Variants in GFI1B observed in about 807,000 individuals in gnomAD.
GFI1B encodes the protein growth factor independent 1B transcriptional repressor.
In GFI1B, 20 loss-of-function variants were observed where a neutral mutation model predicts 35.3. The ratio of observed to expected loss-of-function variants is 0.57; its 90% CI spans 0.40 to 0.82. The LOEUF (loss-of-function observed/expected upper bound fraction) is 0.82. GFI1B is among the 40% of genes least tolerant of loss of function. The pLI, the probability that GFI1B is intolerant of heterozygous loss-of-function variation, is 0.00. For missense variants in GFI1B, 430 were observed against 446.3 expected (o/e 0.96, Z 0.33); for synonymous variants, 178 against 177.6 (o/e 1.00, Z -0.02).
At chr9:132,948,051 G>T (rs56012501) in intron 1 of GFI1B, among the ~76,000 whole-genome samples, 5,253 of 152,190 alleles carry the variant, frequency 0.035, 311 homozygotes, top group African/African-American at 0.12. Flanking sequence ...GTTACGGTTC[G>T]TCCACAAGGA....
At chr9:132,955,819 T>G (rs1476556128) in intron 1 of GFI1B, among the ~76,000 whole-genome samples, 1 of 151,388 alleles carries the variant, frequency 6.6e-6, no homozygotes, top group Non-Finnish European at 1.5e-5. Context: ...TGTGTGTGTG[T>G]GTGTGTGTGT....
intron 1 of GFI1B, among the ~76,000 whole-genome samples, chr9:132,970,818 C>G (rs1848522679): frequency 6.6e-6 from 1 of 152,174 alleles, no homozygotes; most frequent in African/African-American, 2.4e-5. Context: ...TTCTGTGAGT[C>G]TCTAGGGAGA....
chr9:132,988,127 T>G, intron 3 of GFI1B, 70 bp from the exon 4 acceptor site: 333 of 1,440,292 alleles, frequency 2.3e-4, no homozygotes, highest in Non-Finnish European at 3.0e-4. Flanking sequence ...ATTGCAGGCA[T>G]GAGCCACGCC....
chr9:132,979,651 C>T (rs775041015), intron 1 of GFI1B, among the ~76,000 whole-genome samples: 2 of 152,132 alleles, frequency 1.3e-5, no homozygotes, highest in Non-Finnish European at 2.9e-5. Context: ...ACAATAGGAC[C>T]GACCATGGAG....
At chr9:132,969,055 G>A (rs905461219) in intron 1 of GFI1B, among the ~76,000 whole-genome samples, 3 of 151,742 alleles carry the variant, frequency 2.0e-5, no homozygotes, top group South Asian at 4.2e-4. Context: ...TTGAGACAGA[G>A]TCTCACTCTG....
chr9:132,968,864 C>T (rs780376093), intron 1 of GFI1B, among the ~76,000 whole-genome samples: 1 of 152,056 alleles, frequency 6.6e-6, no homozygotes, highest in East Asian at 1.9e-4. Context: ...TCAGTGGCAT[C>T]GGCTTAAGTA....
At chr9:132,978,534 A>T (rs1369708036), upstream of GFI1B, 1 of 152,180 alleles carries the variant, frequency 6.6e-6, no homozygotes, top group African/African-American at 2.4e-5. Flanking sequence ...CCAAGTGTCG[A>T]GGGTTAGAAA....
chr9:132,977,777 T>C (rs901603268), upstream of GFI1B, among the ~76,000 whole-genome samples: 22 of 152,088 alleles, frequency 1.4e-4, 1 homozygote, highest in African/African-American at 5.3e-4. Flanking sequence ...CCAGCATCAA[T>C]GGGACACCCC....
chr9:132,959,523 C>T (rs530769694), intron 1 of GFI1B, among the ~76,000 whole-genome samples: 21 of 152,336 alleles, frequency 1.4e-4, no homozygotes, highest in African/African-American at 4.6e-4. Flanking sequence ...GCAGAGTGCC[C>T]ACGCAGTGTG....
intron 1 of GFI1B, among the ~76,000 whole-genome samples, chr9:132,972,250 C>T (rs1848543147): frequency 6.6e-6 from 1 of 151,552 alleles, no homozygotes; most frequent in African/African-American, 2.4e-5. Context: ...AGTGAAACCC[C>T]GTCTCTACTA....
intron 1 of GFI1B, among the ~76,000 whole-genome samples, chr9:132,954,978 A>G (rs1229715202): frequency 2.0e-5 from 3 of 152,150 alleles, no homozygotes; most frequent in African/African-American, 4.8e-5. Flanking sequence ...TGGCCTCCCA[A>G]ACTGCTGGGA....
chr9:132,987,495 G>T, intron 3 of GFI1B, 76 bp downstream of exon 3: 3 of 1,541,332 alleles, frequency 1.9e-6, no homozygotes, highest in Non-Finnish European at 1.8e-6. Context: ...TTGCAGCAGG[G>T]CCCCTTGGGG....
At chr9:132,951,258 G>A (rs1164133822) in intron 1 of GFI1B, 1 of 151,648 alleles carries the variant, frequency 6.6e-6, no homozygotes, top group Non-Finnish European at 1.5e-5. Flanking sequence ...TCTGCTAATT[G>A]TTGAAGGCCC....
rs1849274025 is a variant in GFI1B, at chr9:132,990,942, C to T, written c.885C>T (p.Ser295=). Residue 295 remains serine, a synonymous_variant, in exon 7 of 7, where the codon AGC becomes AGT. Coordinates refer to ENST00000372122, the MANE Select transcript of GFI1B (RefSeq NM_001377304.1). ...AGAGCTCCAACCTCATCACCCACAG[C>T]CGCAAGCACACAGGCTTCAAGCCCT... is the stretch of plus-strand genomic sequence containing the variant. ...FSQSSNLITH[S]RKHTGFKPFS... is the part of the protein sequence containing the mutation. 1.2e-6 allele frequency: 2 copies of T among 1,614,100 alleles called. No individual in the cohort carries two copies. The highest frequency in any genetic ancestry group is 1.7e-5 in the Admixed American group (1 of 60,014).
At chr9:132,955,736 G>T (rs1848271852) in intron 1 of GFI1B, among the ~76,000 whole-genome samples, 1 of 151,862 alleles carries the variant, frequency 6.6e-6, no homozygotes, top group Non-Finnish European at 1.5e-5. Context: ...TGATTGATTT[G>T]AAATCATCCT....
intron 1 of GFI1B, among the ~76,000 whole-genome samples, chr9:132,954,574 C>CA (rs111946842): frequency 0.15 from 16,329 of 107,422 alleles, 1,017 homozygotes; most frequent in Non-Finnish European, 0.18. Context: ...GACTCTGTCT[C>CA]AAAAAAAAAA....
chr9:132,986,793 G>T lies in GFI1B; in HGVS notation c.100+15G>T. 1 of 1,557,386 alleles carries T rather than the reference G, an allele frequency of 6.4e-7. No individual in the cohort carries two copies. Among genetic ancestry groups the T allele is most frequent in the Non-Finnish European group, 8.8e-7 (1 of 1,135,338 alleles). ...CCTTACCCCGGGTGAGTCAGAGCCC[G>T]GGCTGGCGCCTGCTGCACCCACGGG... On this transcript the variant is annotated intron_variant, in intron 2 of 6. Transcript: ENST00000372122.
chr9:132,974,075 T>C (rs1030610373), upstream of GFI1B, among the ~76,000 whole-genome samples: 56 of 152,170 alleles, frequency 3.7e-4, no homozygotes, highest in Admixed American at 2.4e-3. Flanking sequence ...GTAGAGATCA[T>C]GGCGTGAGGA....
At chr9:132,949,950 CA>C in intron 1 of GFI1B, 1 of 153,180 alleles carries the variant, frequency 6.5e-6, no homozygotes, top group Non-Finnish European at 1.5e-5. Context: ...CCCATCTCTA[CA>C]AAAAATAAAG....
Sources: gnomAD v4.1 joint callset for allele counts (sites outside exome capture counted in the v4.1 genomes callset) on GRCh38, gnomAD v4.1.1 for gene constraint, MANE v1.5 for transcripts, NCBI Gene and HGNC (gene_info 2026-07-23, HGNC 2026-07-21) for gene names.